The following CCL11 variants were observed in gnomAD, a reference collection of about 807,000 sequenced individuals.
The protein encoded by CCL11 is C-C motif chemokine ligand 11, also known as eotaxin.
A neutral mutation model predicts 7.3 loss-of-function variants in CCL11; 7 were observed. The ratio of observed to expected loss-of-function variants is 0.96; its 90% CI spans 0.55 to 1.81. The LOEUF is 1.81. Ranked by LOEUF, CCL11 falls within the 40% of genes most tolerant of loss-of-function variation. The probability of loss-of-function intolerance (pLI) is 0.00; values close to 1 mark genes in which losing one functional copy is unlikely to be tolerated. For missense variants in CCL11, 132 were observed against 114.2 expected (o/e 1.16, Z -0.71); for synonymous variants, 66 against 45.2 (o/e 1.46, Z -1.84).
chr17:34,287,503 C>A, intron 2 of CCL11, 82 bp from the exon 3 acceptor site: 2 of 955,788 alleles, frequency 2.1e-6, no homozygotes, highest in Non-Finnish European at 3.4e-6. Flanking sequence ...TGTCCAGGGG[C>A]AGATGGTCCT....
chr17:34,287,265 T>C lies in CCL11; in HGVS notation c.188+58T>C, dbSNP rs891045704. ...AAAAAATAATGTCTAGGGCACAGAGTCAAGAACTGTGTCACAGTTGCTGGG... is the reference window on the plus strand; with the variant it reads ...AAAAAATAATGTCTAGGGCACAGAGCCAAGAACTGTGTCACAGTTGCTGGG... On this transcript the variant is annotated intron_variant, in intron 2 of 2. Transcript: ENST00000305869. 5 of 1,219,372 alleles carry C rather than the reference T, an allele frequency of 4.1e-6. No homozygotes were observed. In the African/African-American group the frequency reaches 7.5e-5, roughly 18 times the overall value. 75.5% of individuals were successfully genotyped at this position (1,219,372 alleles called of 1,614,324 possible). A position where few individuals can be genotyped will look rare whatever the true frequency, so the allele number is the denominator to read the frequency against.
intron 1 of CCL11, among the ~76,000 whole-genome samples, 163 bp from the exon 2 acceptor site, chr17:34,286,933 A>T (rs899738277): frequency 6.6e-6 from 1 of 152,228 alleles, no homozygotes; most frequent in African/African-American, 2.4e-5. Flanking sequence ...ACAGGACAGC[A>T]TCCTCCAGAC....
chr17:34,287,047 T>G (rs199528980), intron 1 of CCL11, 49 bp from the exon 2 acceptor site: 24 of 1,232,522 alleles, frequency 1.9e-5, no homozygotes, highest in Non-Finnish European at 2.6e-5. Flanking sequence ...CTATGTATCA[T>G]CATGTGGCTC....
Position 34,287,931 on chromosome 17 carries a change from C to G in CCL11, c.*241C>G, listed in dbSNP as rs1000554042. On this transcript the variant is annotated 3_prime_UTR_variant, in exon 3 of 3. Coordinates refer to ENST00000305869, the MANE Select transcript of CCL11 (RefSeq NM_002986.3). ...AAAGCTTTGTGCAGATTCTTTACCCCCTGGGAGCCCCAATTCGATCCCCTG... is the reference window on the plus strand; with the variant it reads ...AAAGCTTTGTGCAGATTCTTTACCCGCTGGGAGCCCCAATTCGATCCCCTG... 1.0e-5 allele frequency: 2 copies of G among 193,200 alleles called. No homozygotes were observed. The highest frequency in any genetic ancestry group is 1.2e-4 in the East Asian group (1 of 8,328). 12.0% of individuals were successfully genotyped at this position (193,200 alleles called of 1,614,324 possible).
In CCL11 at chr17:34,287,695, T is replaced by C. The variant is rs1908680273; in HGVS notation, c.*5T>C. On this transcript the variant is annotated 3_prime_UTR_variant, in exon 3 of 3. Transcript: ENST00000305869. ...TCTCCAACTCCAAAGCCATAAATAA[T>C]CACCATTTTTGAAACCAAACCAGAG... The C allele has an allele frequency of 1.2e-6, 2 of 1,601,954 alleles. No individual in the cohort carries two copies. Among genetic ancestry groups the C allele is most frequent in the Non-Finnish European group, 8.6e-7 (1 of 1,169,308 alleles).
chr17:34,285,782 C>G lies in CCL11; in HGVS notation c.-27C>G, dbSNP rs1908609465. ...AACCCAGAAACCACCACCTCTCACG[C>G]CAAAGCTCACACCTTCAGCCTCCAA... On this transcript the variant is annotated 5_prime_UTR_variant, in exon 1 of 3. Coordinates refer to ENST00000305869, the MANE Select transcript of CCL11 (RefSeq NM_002986.3). 1 of 1,594,660 alleles carries G rather than the reference C, an allele frequency of 6.3e-7. No homozygotes were observed. Among genetic ancestry groups the G allele is most frequent in the Middle Eastern group, 1.7e-4 (1 of 5,974 alleles).
chr17:34,286,155 C>G (rs2142211484), intron 1 of CCL11, among the ~76,000 whole-genome samples: 1 of 152,258 alleles, frequency 6.6e-6, no homozygotes, highest in East Asian at 1.9e-4. Context: ...GGGAATGGCT[C>G]TGTCTTACTG....
In CCL11 at chr17:34,286,814, C is replaced by T. The variant is rs577376478; in HGVS notation, c.77-282C>T. 1.1e-4 allele frequency among the ~76,000 whole-genome samples: 16 copies of T among 152,326 alleles called. No homozygotes were observed. In the South Asian group the frequency reaches 2.1e-3, roughly 20 times the overall value. ...AATTACCATGACCATCACATGGCCA[C>T]GTAGGTCTTTATAATGACAGAGCTA... On this transcript the variant is annotated intron_variant, in intron 1 of 2. Transcript: ENST00000305869.
At chr17:34,286,861 C>A (rs143489040) in intron 1 of CCL11, among the ~76,000 whole-genome samples, 2 of 152,310 alleles carry the variant, frequency 1.3e-5, no homozygotes, top group Non-Finnish European at 2.9e-5. Context: ...ATTGACCAAG[C>A]TTTGTCCATA....
At chr17:34,287,256 G>T (rs1337664641) in intron 2 of CCL11, 49 bp downstream of exon 2, 2 of 1,319,000 alleles carry the variant, frequency 1.5e-6, no homozygotes, top group South Asian at 2.4e-5. Context: ...TAATGTCTAG[G>T]GCACAGAGTC....
In CCL11 at chr17:34,285,767, C is replaced by T; in HGVS notation, c.-42C>T. On this transcript the variant is annotated 5_prime_UTR_variant, in exon 1 of 3. Transcript: ENST00000305869. ...AGAGAGGCTGAGACCAACCCAGAAA[C>T]CACCACCTCTCACGCCAAAGCTCAC... is the stretch of plus-strand genomic sequence containing the variant. The T allele has an allele frequency of 6.5e-7, 1 of 1,530,022 alleles. No individual in the cohort carries two copies. The highest frequency in any genetic ancestry group is 9.0e-7 in the Non-Finnish European group (1 of 1,113,554). 94.8% of individuals were successfully genotyped at this position (1,530,022 alleles called of 1,614,324 possible). A position where few individuals can be genotyped will look rare whatever the true frequency, so the allele number is the denominator to read the frequency against.
At position 34,287,227 on chromosome 17, in the gene CCL11, C is replaced by A. The variant is rs1171375902; in HGVS notation, c.188+20C>A. The stretch of plus-strand genomic sequence containing the variant: ...TGTGATGTAAGTAAATAAAGTTCAC[C>A]CTCCCCTAGACAAAAAAATAATGTC... On this transcript the variant is annotated intron_variant, in intron 2 of 2. Coordinates refer to ENST00000305869, the MANE Select transcript of CCL11 (RefSeq NM_002986.3). 1.3e-6 allele frequency: 2 copies of A among 1,545,990 alleles called. No homozygotes were observed. The highest frequency in any genetic ancestry group is 1.1e-5 in the South Asian group (1 of 89,610).
In CCL11 at chr17:34,287,593, C is replaced by A. The variant is rs1455092080; in HGVS notation, c.197C>A (p.Thr66Asn). Residue 66 changes from threonine to asparagine, a missense_variant, in exon 3 of 3, where the codon ACC becomes AAC. By Grantham distance (65) the Thr-to-Asn change is moderately conservative. Transcript: ENST00000305869. ...KCPQKAVIFK[T>N]KLAKDICADP... ...TCCTGTATCTCCCACAGCTTCAAGA[C>A]CAAACTGGCCAAGGATATCTGTGCC... is the stretch of plus-strand genomic sequence containing the variant. The A allele has an allele frequency of 6.2e-7, 1 of 1,613,074 alleles. No homozygotes were observed. The highest frequency in any genetic ancestry group is 1.7e-5 in the Admixed American group (1 of 60,008).
rs145197830 is a variant in CCL11 at position 34,287,649 on chromosome 17, A to G, written c.253A>G (p.Met85Val). 1.3e-5 allele frequency: 21 copies of G among 1,613,894 alleles called. No homozygotes were observed. Among genetic ancestry groups the G allele is most frequent in the Non-Finnish European group, 1.8e-5 (21 of 1,179,962 alleles). Reference protein sequence around the residue: ...DPKKKWVQDSMKYLDQKSPTP... With the variant: ...DPKKKWVQDSVKYLDQKSPTP... ...CAAGAAGAAGTGGGTGCAGGATTCCATGAAGTATCTGGACCAAAAATCTCC... is the reference window on the plus strand; with the variant it reads ...CAAGAAGAAGTGGGTGCAGGATTCCGTGAAGTATCTGGACCAAAAATCTCC... Residue 85 changes from methionine to valine, a missense_variant, in exon 3 of 3, where the codon ATG becomes GTG. Physicochemically the swap from Met to Val is conservative, Grantham distance 21. Transcript: ENST00000305869.
At position 34,285,897 on chromosome 17, in the gene CCL11, A is replaced by C; in HGVS notation, c.76+13A>C. ...CTCGCTGGGCCAGGTAAGCCCCCCA[A>C]CTCCTTACAGGAAAGGTAAGGTAAC... On this transcript the variant is annotated intron_variant, in intron 1 of 2. Transcript: ENST00000305869. 2.5e-6 allele frequency: 4 copies of C among 1,594,926 alleles called. No homozygotes were observed. The highest frequency in any genetic ancestry group is 3.4e-6 in the Non-Finnish European group (4 of 1,167,514).
rs34262946 is a variant in CCL11 at position 34,287,653 on chromosome 17, A to C, written c.257A>C (p.Lys86Thr). The C allele has an allele frequency of 3.0e-3, 4,823 of 1,613,884 alleles. 96 individuals carry two copies. The African/African-American group carries it at 0.049, about 17-fold the overall frequency. The part of the protein sequence containing the change: ...PKKKWVQDSM[K>T]YLDQKSPTPK... ...AAGAAGTGGGTGCAGGATTCCATGA[A>C]GTATCTGGACCAAAAATCTCCAACT... is the stretch of plus-strand genomic sequence containing the variant. The change falls in exon 3 of 3, where the codon AAG becomes ACG. Residue 86 changes from lysine to threonine, a missense_variant. Physicochemically the swap from Lys to Thr is moderately conservative, Grantham distance 78. Transcript: ENST00000305869.
intron 1 of CCL11, 98 bp downstream of exon 1, chr17:34,285,982 T>C: frequency 1.2e-6 from 1 of 803,492 alleles, no homozygotes; most frequent in South Asian, 1.7e-5. Context: ...ATTCTCCATT[T>C]GAAAAATAGG....
At position 34,287,807 on chromosome 17, in the gene CCL11, T is replaced by A; in HGVS notation, c.*117T>A. 1 of 325,862 alleles carries A rather than the reference T, an allele frequency of 3.1e-6. No individual in the cohort carries two copies. Among genetic ancestry groups the A allele is most frequent in the Non-Finnish European group, 5.2e-6 (1 of 193,056 alleles). The allele number at this position is 325,862 out of a possible 1,614,324, so 20.2% of individuals were successfully genotyped here. A position where few individuals can be genotyped will look rare whatever the true frequency, so the allele number is the denominator to read the frequency against. ...AGTCCAAAGGGCATGGGTTTTATTATATATATATATTTTTTTTTTTAAAAA... is the reference window on the plus strand; with the variant it reads ...AGTCCAAAGGGCATGGGTTTTATTAAATATATATATTTTTTTTTTTAAAAA... On this transcript the variant is annotated 3_prime_UTR_variant, in exon 3 of 3. Transcript: ENST00000305869.
At position 34,287,224 on chromosome 17, in the gene CCL11, C is replaced by T; in HGVS notation, c.188+17C>T. 6.4e-7 allele frequency: 1 copy of T among 1,557,432 alleles called. No individual in the cohort carries two copies. The highest frequency in any genetic ancestry group is 8.9e-7 in the Non-Finnish European group (1 of 1,128,408). Reference sequence around the variant, plus strand: ...AGCTGTGATGTAAGTAAATAAAGTTCACCCTCCCCTAGACAAAAAAATAAT... The same window carrying T: ...AGCTGTGATGTAAGTAAATAAAGTTTACCCTCCCCTAGACAAAAAAATAAT... On this transcript the variant is annotated intron_variant, in intron 2 of 2. Coordinates refer to ENST00000305869, the MANE Select transcript of CCL11 (RefSeq NM_002986.3).
Sources: gnomAD v4.1 joint callset for allele counts (sites outside exome capture counted in the v4.1 genomes callset) on GRCh38, gnomAD v4.1.1 for gene constraint, MANE v1.5 for transcripts, NCBI Gene and HGNC (gene_info 2026-07-23, HGNC 2026-07-21) for gene names.